The following SRSF10 variants were observed in gnomAD, a reference collection of about 807,000 sequenced individuals.
The protein encoded by SRSF10 is serine and arginine rich splicing factor 10.
SRSF10 carries 9 observed loss-of-function variants against 32.6 expected under a neutral mutation model. The ratio of observed to expected loss-of-function variants is 0.28; its 90% CI spans 0.17 to 0.48. SRSF10 has a LOEUF of 0.48. Ranked by LOEUF, SRSF10 falls within the 20% of genes least tolerant of loss-of-function variation. The probability of loss-of-function intolerance (pLI) is 0.99; values close to 1 mark genes in which losing one functional copy is unlikely to be tolerated. For missense variants in SRSF10, 201 were observed against 331.8 expected (o/e 0.61, Z 3.06); for synonymous variants, 105 against 112.4 (o/e 0.93, Z 0.42).
rs1641508107 is a variant in SRSF10, at chr1:23,967,470, G to C, written c.*3672C>G. ...GATTAGTTTCCACAAGTACAAAGTT[G>C]AATTTCCTTTTATTTGTCCTAAAAT... On this transcript the variant is annotated 3_prime_UTR_variant, in exon 6 of 6. Coordinates refer to ENST00000492112, the MANE Select transcript of SRSF10 (RefSeq NM_054016.4). 2.1e-6 allele frequency: 1 copy of C among 486,346 alleles called. No homozygotes were observed. The highest frequency in any genetic ancestry group is 1.9e-5 in the African/African-American group (1 of 52,120). The allele number at this position is 486,346 out of a possible 1,614,324, so 30.1% of individuals were successfully genotyped here.
intron 2 of SRSF10, chr1:23,977,210 A>C (rs1216401844): frequency 1.3e-5 from 2 of 152,228 alleles, no homozygotes; most frequent in Non-Finnish European, 2.9e-5. Context: ...TAAAAGTTTG[A>C]GGCTCACTGA....
intron 2 of SRSF10, chr1:23,975,410 G>A (rs1165832874): frequency 4.6e-6 from 1 of 217,486 alleles, no homozygotes; most frequent in Non-Finnish European, 9.0e-6. Context: ...AGACAAAAAA[G>A]AAAAAACAAA....
intron 3 of SRSF10, 108 bp from the exon 4 acceptor site, chr1:23,972,120 G>C: frequency 1.0e-6 from 1 of 987,156 alleles, no homozygotes; most frequent in Non-Finnish European, 1.4e-6. Context: ...CCCAAAGAGA[G>C]TATGTATGAC....
chr1:23,973,868 C>T (rs1423796047), intron 3 of SRSF10, among the ~76,000 whole-genome samples: 1 of 152,132 alleles, frequency 6.6e-6, no homozygotes, highest in Admixed American at 6.5e-5. Context: ...GAAGCAGATA[C>T]TTTATGTATT....
chr1:23,970,794 A>C lies in SRSF10; in HGVS notation c.*348T>G. ...TAGCAAGCTACATTTCTAGGTTAAC[A>C]GTTCTACCAAATATGAATATGAAAG... On this transcript the variant is annotated 3_prime_UTR_variant, in exon 6 of 6. Coordinates refer to ENST00000492112, the MANE Select transcript of SRSF10 (RefSeq NM_054016.4). 1 of 1,041,848 alleles carries C rather than the reference A, an allele frequency of 9.6e-7. No homozygotes were observed. The highest frequency in any genetic ancestry group is 3.7e-5 in the South Asian group (1 of 26,892). The allele number at this position is 1,041,848 out of a possible 1,614,324, so 64.5% of individuals were successfully genotyped here.
chr1:23,974,634 G>T (rs1641974800), intron 3 of SRSF10, among the ~76,000 whole-genome samples: 1 of 152,132 alleles, frequency 6.6e-6, no homozygotes, highest in Admixed American at 6.5e-5. Context: ...TTCGAGACCG[G>T]CCTGGCCAAC....
Position 23,967,960 on chromosome 1 carries a change from CAAAAAAA to C in SRSF10, c.*3175_*3181del. 1 of 1,446,950 alleles carries C rather than the reference CAAAAAAA, an allele frequency of 6.9e-7. No homozygotes were observed. The highest frequency in any genetic ancestry group is 9.2e-7 in the Non-Finnish European group (1 of 1,088,434). The allele number at this position is 1,446,950 out of a possible 1,614,324, so 89.6% of individuals were successfully genotyped here. On this transcript the variant is annotated 3_prime_UTR_variant, in exon 6 of 6. Coordinates refer to ENST00000492112, the MANE Select transcript of SRSF10 (RefSeq NM_054016.4). ...ATTTTTCTTCTTGCTTACTTGGCTT[CAAAAAAA>C]AAAAAAAAATGCAGAGAGATCTTAA...
intron 2 of SRSF10, 86 bp from the exon 3 acceptor site, chr1:23,975,163 T>C (rs530177539): frequency 1.2e-5 from 12 of 1,038,174 alleles, no homozygotes; most frequent in Admixed American, 1.8e-5. Flanking sequence ...CAATTCACAA[T>C]CTCCCAATAT....
rs1406039350 is a variant in SRSF10, at chr1:23,966,042, A to C, written c.*5100T>G. The C allele has an allele frequency of 6.6e-6, 1 of 151,926 alleles. No homozygotes were observed. Among genetic ancestry groups the C allele is most frequent in the Non-Finnish European group, 1.5e-5 (1 of 67,834 alleles). 9.4% of individuals were successfully genotyped at this position (151,926 alleles called of 1,614,324 possible). ...CTCTAAGTAAATTCTAGATCCCATT[A>C]TATCAATGTTACTATCTCCATGAAA... On this transcript the variant is annotated 3_prime_UTR_variant, in exon 6 of 6. Transcript: ENST00000492112.
At position 23,968,298 on chromosome 1, in the gene SRSF10, A is replaced by G. The variant is rs1462974531; in HGVS notation, c.*2844T>C. 2.6e-5 allele frequency among the ~76,000 whole-genome samples: 4 copies of G among 152,146 alleles called. No individual in the cohort carries two copies. The highest frequency in any genetic ancestry group is 5.9e-5 in the Non-Finnish European group (4 of 67,992). ...GTTGACACAAGTAAAAATAAAAATG[A>G]AATTAGGCCTTCTAGTTCTATACAG... On this transcript the variant is annotated 3_prime_UTR_variant, in exon 6 of 6. Transcript: ENST00000492112.
rs1641562032 is a variant in SRSF10 at position 23,968,381 on chromosome 1, G to A, written c.*2761C>T. 1.3e-5 allele frequency among the ~76,000 whole-genome samples: 2 copies of A among 152,094 alleles called. No homozygotes were observed. Among genetic ancestry groups the A allele is most frequent in the African/African-American group, 4.8e-5 (2 of 41,428 alleles). On this transcript the variant is annotated 3_prime_UTR_variant, in exon 6 of 6. Transcript: ENST00000492112. ...ATCTACTTCTCTCAAATTATAGTCT[G>A]TAAAACAAACAAAACCCCCCCAAAA...
chr1:23,976,541 ATGGGTACACT>A (rs1642102741), intron 2 of SRSF10: 1 of 152,248 alleles, frequency 6.6e-6, no homozygotes, highest in Non-Finnish European at 1.5e-5. Context: ...CGTTCACTTA[ATGGGTACACT>A]ACTTTGTTAC....
chr1:23,970,824 T>C lies in SRSF10; in HGVS notation c.*318A>G. ...TACCAAATATGAATATGAAAGTTTA[T>C]TTTTAATGAGACAATGTTGCAAATT... On this transcript the variant is annotated 3_prime_UTR_variant, in exon 6 of 6. Coordinates refer to ENST00000492112, the MANE Select transcript of SRSF10 (RefSeq NM_054016.4). The C allele has an allele frequency of 9.2e-7, 1 of 1,088,660 alleles. No homozygotes were observed. Among genetic ancestry groups the C allele is most frequent in the Non-Finnish European group, 1.1e-6 (1 of 896,724 alleles). The allele number at this position is 1,088,660 out of a possible 1,614,324, so 67.4% of individuals were successfully genotyped here. A position where few individuals can be genotyped will look rare whatever the true frequency, so the allele number is the denominator to read the frequency against.
At chr1:23,979,623 A>T (rs1015260965) in intron 1 of SRSF10, among the ~76,000 whole-genome samples, 34 of 152,202 alleles carry the variant, frequency 2.2e-4, no homozygotes, top group Admixed American at 9.8e-4. Context: ...AAATAAGAAA[A>T]ACTACTCGCA....
Position 23,968,176 on chromosome 1 carries a change from C to CA in SRSF10, c.*2965_*2966insT, listed in dbSNP as rs1252906280. Among the ~76,000 whole-genome samples the CA allele has an allele frequency of 6.6e-6, 1 of 152,114 alleles. No homozygotes were observed. Among genetic ancestry groups the CA allele is most frequent in the Non-Finnish European group, 1.5e-5 (1 of 68,012 alleles). On this transcript the variant is annotated 3_prime_UTR_variant, in exon 6 of 6. Coordinates refer to ENST00000492112, the MANE Select transcript of SRSF10 (RefSeq NM_054016.4). ...TCAAGTATCAGTAGGATCCAAACTACCATGGGTTCAACTGTAATATAGTCC... is the reference window on the plus strand; with the variant it reads ...TCAAGTATCAGTAGGATCCAAACTACACATGGGTTCAACTGTAATATAGTCC...
chr1:23,975,170 A>G (rs1224425308), intron 2 of SRSF10, 93 bp from the exon 3 acceptor site: 4 of 1,007,708 alleles, frequency 4.0e-6, no homozygotes, highest in East Asian at 2.4e-5. Context: ...CAATCTCCCA[A>G]TATTATTCCA....
Position 23,967,534 on chromosome 1 carries a change from G to T in SRSF10, c.*3608C>A. On this transcript the variant is annotated 3_prime_UTR_variant, in exon 6 of 6. Coordinates refer to ENST00000492112, the MANE Select transcript of SRSF10 (RefSeq NM_054016.4). ...CTTGAAGGGACTTCAATTATTCCAT[G>T]TAGTTTTCGATAACATTCTTTTATC... 2 of 563,306 alleles carry T rather than the reference G, an allele frequency of 3.6e-6. No individual in the cohort carries two copies. The highest frequency in any genetic ancestry group is 6.4e-6 in the Non-Finnish European group (2 of 311,254). The allele number at this position is 563,306 out of a possible 1,614,324, so 34.9% of individuals were successfully genotyped here.
chr1:23,977,449 C>T (rs1642160098), intron 2 of SRSF10: 1 of 152,244 alleles, frequency 6.6e-6, no homozygotes, highest in Non-Finnish European at 1.5e-5. Flanking sequence ...GCAGTCTTCA[C>T]AGGGCTAAGT....
rs1641522062 is a variant in SRSF10, at chr1:23,967,773, TGTG to T, written c.*3366_*3368del. 6.2e-7 allele frequency: 1 copy of T among 1,604,872 alleles called. No homozygotes were observed. Among genetic ancestry groups the T allele is most frequent in the African/African-American group, 1.3e-5 (1 of 74,398 alleles). The stretch of plus-strand genomic sequence containing the variant: ...CAGTTTGGTTTCCTTTATTCTTCTC[TGTG>T]GTATACAGGATTTTGTTAGTTGAAC... On this transcript the variant is annotated 3_prime_UTR_variant, in exon 6 of 6. Coordinates refer to ENST00000492112, the MANE Select transcript of SRSF10 (RefSeq NM_054016.4).
Sources: gnomAD v4.1 joint callset for allele counts (sites outside exome capture counted in the v4.1 genomes callset) on GRCh38, gnomAD v4.1.1 for gene constraint, MANE v1.5 for transcripts, NCBI Gene and HGNC (gene_info 2026-07-23, HGNC 2026-07-21) for gene names.